Variants in CDH12 observed in about 807,000 individuals in gnomAD.
The protein encoded by CDH12 is cadherin 12, also known as cadherin-12.
A neutral mutation model predicts 74.1 loss-of-function variants in CDH12; 41 were observed. The observed-to-expected ratio is 0.55, with a 90% CI of 0.43 to 0.72. The LOEUF (loss-of-function observed/expected upper bound fraction) is 0.72, where lower values mean the gene tolerates loss of function less well. CDH12 is among the 30% of genes least tolerant of loss of function. The pLI is 0.00. For synonymous variants in CDH12, 399 were observed against 355.0 expected, an observed-to-expected ratio of 1.12 and a Z score of -1.39; for missense variants, 945 against 977.2, an observed-to-expected ratio of 0.97 and a Z score of 0.44.
chr5:21,862,654 T>TA (rs776214669), intron 6 of CDH12, among the ~76,000 whole-genome samples: 55 of 152,320 alleles, frequency 3.6e-4, no homozygotes, highest in Non-Finnish European at 4.0e-4. Flanking sequence ...ATTTATTTTG[T>TA]AAAATGCTAC....
chr5:22,265,750 C>T (rs1256539839), intron 3 of CDH12, among the ~76,000 whole-genome samples: 3 of 152,038 alleles, frequency 2.0e-5, no homozygotes, highest in Admixed American at 2.0e-4. Context: ...ATATCCTCCA[C>T]TCAAAAGAAG....
chr5:22,381,417 A>G (rs891425004), intron 3 of CDH12, among the ~76,000 whole-genome samples: 2 of 152,020 alleles, frequency 1.3e-5, no homozygotes, highest in Non-Finnish European at 2.9e-5. Flanking sequence ...TTTACATTTC[A>G]TTTTATTCTA....
At chr5:22,785,912 T>C (rs1036682313) in intron 1 of CDH12, among the ~76,000 whole-genome samples, 1 of 152,200 alleles carries the variant, frequency 6.6e-6, no homozygotes, top group African/African-American at 2.4e-5. Flanking sequence ...GTGGCAATTC[T>C]TCAAAGATCT....
chr5:22,401,564 A>G (rs1040154269), intron 3 of CDH12, among the ~76,000 whole-genome samples: 2 of 152,126 alleles, frequency 1.3e-5, no homozygotes, highest in Non-Finnish European at 2.9e-5. Flanking sequence ...TCTAGATTCT[A>G]TTTATTGAGG....
At chr5:22,317,190 C>T (rs920006771) in intron 3 of CDH12, among the ~76,000 whole-genome samples, 5 of 151,882 alleles carry the variant, frequency 3.3e-5, no homozygotes, top group East Asian at 1.9e-4. Context: ...TACTGGCGGG[C>T]GCCTGTAATC....
chr5:22,488,204 C>T (rs369708848), intron 2 of CDH12, among the ~76,000 whole-genome samples: 205 of 152,316 alleles, frequency 1.3e-3, no homozygotes, highest in African/African-American at 4.6e-3. Context: ...TGCCAATATT[C>T]GTTGTCTGCT....
rs143319075 is a variant in CDH12, at chr5:21,759,572, A to G, written c.1633+986T>C. 4.1e-3 allele frequency among the ~76,000 whole-genome samples: 628 copies of G among 152,280 alleles called. 5 individuals are homozygous for G. The highest frequency in any genetic ancestry group is 0.014 in the African/African-American group (580 of 41,582). ...TATTATGAGGTTGACTTGATTTAGT[A>G]AAATTGTATACATTAAGAATCTGTC... On this transcript the variant is annotated intron_variant, in intron 13 of 14. Transcript: ENST00000382254.
At chr5:22,647,143 G>A (rs1375703060) in intron 1 of CDH12, among the ~76,000 whole-genome samples, 1 of 151,692 alleles carries the variant, frequency 6.6e-6, no homozygotes, top group Non-Finnish European at 1.5e-5. Context: ...GAGCCAAAGT[G>A]CCTAATATAG....
At chr5:22,182,579 C>A (rs1749705470) in intron 4 of CDH12, among the ~76,000 whole-genome samples, 1 of 152,008 alleles carries the variant, frequency 6.6e-6, no homozygotes, top group Non-Finnish European at 1.5e-5. Context: ...AGAAATTTTA[C>A]ACAATAGGAA....
intron 3 of CDH12, among the ~76,000 whole-genome samples, chr5:22,369,111 A>T (rs1393038363): frequency 1.3e-5 from 2 of 150,702 alleles, no homozygotes; most frequent in Non-Finnish European, 2.9e-5. Context: ...CCTGGGCCAC[A>T]GAGCAAGACT....
intron 2 of CDH12, among the ~76,000 whole-genome samples, chr5:22,484,446 G>T (rs1746506064): frequency 6.6e-6 from 1 of 152,124 alleles, no homozygotes; most frequent in Non-Finnish European, 1.5e-5. Context: ...CTTTAATCAT[G>T]TTGCACACTC....
chr5:22,108,146 AG>A (rs1326341249), intron 4 of CDH12, among the ~76,000 whole-genome samples: 1 of 152,180 alleles, frequency 6.6e-6, no homozygotes, highest in African/African-American at 2.4e-5. Context: ...ACTGAATCAT[AG>A]GGGCAATTTC....
chr5:22,841,628 A>G (rs1248677758), intron 1 of CDH12, among the ~76,000 whole-genome samples: 1 of 152,126 alleles, frequency 6.6e-6, no homozygotes, highest in African/African-American at 2.4e-5. Context: ...TGCTGCTCCA[A>G]CACTGAGGGG....
chr5:22,368,828 C>T (rs915154507), intron 3 of CDH12, among the ~76,000 whole-genome samples: 1 of 152,038 alleles, frequency 6.6e-6, no homozygotes, highest in African/African-American at 2.4e-5. Flanking sequence ...CATGCTCAAC[C>T]TTTATTCCTT....
At chr5:22,095,821 C>T (rs1444387804) in intron 4 of CDH12, among the ~76,000 whole-genome samples, 1 of 151,768 alleles carries the variant, frequency 6.6e-6, no homozygotes, top group African/African-American at 2.4e-5. Context: ...TCCCTTACTT[C>T]CATGCCCCAA....
At chr5:22,612,478 A>C (rs1056382683) in intron 1 of CDH12, among the ~76,000 whole-genome samples, 1 of 152,156 alleles carries the variant, frequency 6.6e-6, no homozygotes, top group Non-Finnish European at 1.5e-5. Context: ...ATGATTCTCT[A>C]TCTTTCTAAA....
intron 6 of CDH12, among the ~76,000 whole-genome samples, chr5:21,870,718 T>C (rs753880739): frequency 6.6e-6 from 1 of 152,158 alleles, no homozygotes; most frequent in Non-Finnish European, 1.5e-5. Flanking sequence ...GCATATAAGG[T>C]ATTTTACAAG....
chr5:21,998,641 G>T, intron 5 of CDH12, among the ~76,000 whole-genome samples: 1 of 152,114 alleles, frequency 6.6e-6, no homozygotes, highest in Admixed American at 6.6e-5. Flanking sequence ...ACTGATGTTA[G>T]ATCTTTATAA....
At position 22,061,122 on chromosome 5, in the gene CDH12, A is replaced by G. The variant is rs145973393; in HGVS notation, c.231+17324T>C. Among the ~76,000 whole-genome samples the G allele has an allele frequency of 6.6e-5, 10 of 152,348 alleles. No homozygotes were observed. The East Asian group carries it at 1.3e-3, about 21-fold the overall frequency. On this transcript the variant is annotated intron_variant, in intron 5 of 14. Transcript: ENST00000382254. ...GCAACAGCACTCTTTAATAATGAGT[A>G]TAAGTATGTACTAAAGGTCTCCTCT...
Sources: allele counts gnomAD v4.1 joint callset (sites outside exome capture counted in the v4.1 genomes callset), GRCh38; gene constraint gnomAD v4.1.1; transcripts MANE v1.5; gene names NCBI Gene and HGNC (gene_info 2026-07-23, HGNC 2026-07-21).